Variants in KCND3 observed in about 807,000 individuals in gnomAD.
KCND3 encodes the protein potassium voltage-gated channel subfamily D member 3.
In KCND3, 9 loss-of-function variants were observed where a neutral mutation model predicts 51.1. The observed-to-expected ratio is 0.18, with a 90% CI of 0.11 to 0.31. The LOEUF is 0.31. KCND3 is among the 10% of genes least tolerant of loss of function. KCND3 has a pLI of 1.00. For missense variants in KCND3, 526 were observed against 903.8 expected (o/e 0.58, Z 5.36); for synonymous variants, 349 against 368.0 (o/e 0.95, Z 0.59).
chr1:111,973,533 C>G (rs1213400204), intron 2 of KCND3, among the ~76,000 whole-genome samples: 1 of 152,208 alleles, frequency 6.6e-6, no homozygotes, highest in East Asian at 1.9e-4. Context: ...CCACTGGAAA[C>G]CACTGGGTGC....
chr1:111,811,637 G>A (rs376979840), intron 2 of KCND3, among the ~76,000 whole-genome samples: 22 of 152,116 alleles, frequency 1.4e-4, no homozygotes, highest in Non-Finnish European at 2.4e-4. Flanking sequence ...TCTTCGGATC[G>A]TCCACCCCTA....
intron 2 of KCND3, among the ~76,000 whole-genome samples, chr1:111,795,524 C>T (rs574055847): frequency 2.0e-5 from 3 of 152,288 alleles, no homozygotes; most frequent in Middle Eastern, 3.4e-3. Flanking sequence ...AGTTAAGTAA[C>T]GTGCTCAAGA....
intron 2 of KCND3, among the ~76,000 whole-genome samples, chr1:111,792,162 C>G (rs1038613954): frequency 6.6e-6 from 1 of 152,062 alleles, no homozygotes; most frequent in African/African-American, 2.4e-5. Context: ...ACGTTTGGCC[C>G]GAAGAAGAGG....
At chr1:111,788,550 G>C (rs900690203) in intron 2 of KCND3, among the ~76,000 whole-genome samples, 2 of 152,188 alleles carry the variant, frequency 1.3e-5, no homozygotes. Flanking sequence ...TGTGAAGTAG[G>C]CTCCTGTTTT....
chr1:111,952,107 G>C (rs558545843), intron 2 of KCND3, among the ~76,000 whole-genome samples: 1 of 152,334 alleles, frequency 6.6e-6, no homozygotes, highest in African/African-American at 2.4e-5. Context: ...TGGGAATGTG[G>C]TTTGGTCCAT....
Position 111,981,275 on chromosome 1 carries a change from G to C in KCND3, c.1106+346C>G, listed in dbSNP as rs78948450. 6.6e-6 allele frequency among the ~76,000 whole-genome samples: 1 copy of C among 151,780 alleles called. No individual in the cohort carries two copies. Among genetic ancestry groups the C allele is most frequent in the Non-Finnish European group, 1.5e-5 (1 of 67,966 alleles). Reference sequence around the variant, plus strand: ...ACAACTGCCCTGACCTTCTCCCCACGCTGCCCCATATGCGCAAATGCATAT... The same window carrying C: ...ACAACTGCCCTGACCTTCTCCCCACCCTGCCCCATATGCGCAAATGCATAT... On this transcript the variant is annotated intron_variant, in intron 2 of 7. Coordinates refer to ENST00000302127, the MANE Select transcript of KCND3 (RefSeq NM_001378969.1). The surrounding 1 kb of genome is among the most constrained non-coding windows in gnomAD (Gnocchi z 6.2).
At chr1:111,824,812 T>C (rs956183414) in intron 2 of KCND3, among the ~76,000 whole-genome samples, 3 of 152,178 alleles carry the variant, frequency 2.0e-5, no homozygotes, top group Non-Finnish European at 4.4e-5. Flanking sequence ...TTAAATCCTG[T>C]TTTTCCACAC....
chr1:111,791,418 G>A (rs192866554), intron 2 of KCND3, among the ~76,000 whole-genome samples: 3 of 152,322 alleles, frequency 2.0e-5, no homozygotes, highest in East Asian at 1.9e-4. Flanking sequence ...GGGGAAAAGC[G>A]GGATTGCAGT....
At chr1:111,884,870 T>C (rs767315143) in intron 2 of KCND3, among the ~76,000 whole-genome samples, 11 of 152,176 alleles carry the variant, frequency 7.2e-5, no homozygotes, top group Non-Finnish European at 1.3e-4. Flanking sequence ...CTTGGCACTA[T>C]TGACATTGGG....
At chr1:111,970,964 C>A (rs1245835463) in intron 2 of KCND3, among the ~76,000 whole-genome samples, 5 of 152,180 alleles carry the variant, frequency 3.3e-5, no homozygotes, top group Admixed American at 3.3e-4. Flanking sequence ...TCACAGGATG[C>A]TCCCAGTGAT....
At chr1:111,912,902 TAC>T (rs1671032125) in intron 2 of KCND3, among the ~76,000 whole-genome samples, 1 of 152,224 alleles carries the variant, frequency 6.6e-6, no homozygotes. Context: ...GTAAAAAAGT[TAC>T]AGTCAGCTAA....
intron 2 of KCND3, among the ~76,000 whole-genome samples, chr1:111,949,133 A>G (rs953126155): frequency 9.2e-5 from 14 of 152,224 alleles, no homozygotes; most frequent in African/African-American, 3.4e-4. Flanking sequence ...TGCAAGTCCA[A>G]CTAAATGGAA....
chr1:111,795,351 A>G (rs150174029), intron 2 of KCND3, among the ~76,000 whole-genome samples: 1 of 152,362 alleles, frequency 6.6e-6, no homozygotes, highest in East Asian at 1.9e-4. Flanking sequence ...GTGGACCCAG[A>G]CGGGACAGAT....
chr1:111,779,974 T>G (rs531089500), intron 5 of KCND3, among the ~76,000 whole-genome samples: 1 of 152,036 alleles, frequency 6.6e-6, no homozygotes, highest in Non-Finnish European at 1.5e-5. Context: ...TGGAGACGAG[T>G]GTAGGAGTGT....
chr1:111,821,318 C>T (rs1390072005), intron 2 of KCND3, among the ~76,000 whole-genome samples: 1 of 152,170 alleles, frequency 6.6e-6, no homozygotes, highest in Non-Finnish European at 1.5e-5. Context: ...GAGCTGGTTC[C>T]AGGACAGGAG....
At chr1:111,808,655 C>G (rs1665691187) in intron 2 of KCND3, among the ~76,000 whole-genome samples, 1 of 152,214 alleles carries the variant, frequency 6.6e-6, no homozygotes, top group South Asian at 2.1e-4. Flanking sequence ...CCTCTCAGGC[C>G]TTGCTCTCCT....
At chr1:111,894,847 A>G (rs944276318) in intron 2 of KCND3, among the ~76,000 whole-genome samples, 1 of 152,184 alleles carries the variant, frequency 6.6e-6, no homozygotes, top group Middle Eastern at 3.2e-3. Flanking sequence ...ATACCCAAAG[A>G]GATTCCTCCT....
intron 2 of KCND3, among the ~76,000 whole-genome samples, chr1:111,892,320 A>T (rs1276709748): frequency 1.3e-5 from 2 of 152,102 alleles, no homozygotes; most frequent in East Asian, 3.9e-4. Flanking sequence ...CAACCCTAAC[A>T]TCTCATGTTG....
intron 2 of KCND3, among the ~76,000 whole-genome samples, chr1:111,813,307 A>G (rs115039260): frequency 1.3e-5 from 2 of 152,314 alleles, no homozygotes; most frequent in Non-Finnish European, 2.9e-5. Flanking sequence ...TTAATGCACG[A>G]TCCAATTTAA....
Sources: allele counts gnomAD v4.1 joint callset (sites outside exome capture counted in the v4.1 genomes callset), GRCh38; gene constraint gnomAD v4.1.1; non-coding constraint Gnocchi (gnomAD v3.1); transcripts MANE v1.5; gene names NCBI Gene and HGNC (gene_info 2026-07-23, HGNC 2026-07-21).